Variants in ADI1 observed in about 807,000 individuals in gnomAD.
ADI1 encodes acireductone dioxygenase.
Under a neutral mutation model 18.7 loss-of-function variants are expected in ADI1, and 21 were observed. The ratio of observed to expected loss-of-function variants is 1.13; its 90% CI spans 0.80 to 1.62. The LOEUF is 1.62. ADI1 is among the 40% of genes most tolerant of loss of function. The pLI, the probability that ADI1 is intolerant of heterozygous loss-of-function variation, is 0.00. For missense variants in ADI1, 245 were observed against 254.9 expected, an observed-to-expected ratio of 0.96 and a Z score of 0.26; for synonymous variants, 90 against 100.1, an observed-to-expected ratio of 0.90 and a Z score of 0.60.
intron 3 of ADI1, chr2:3,500,458 T>C: frequency 5.1e-6 from 2 of 394,966 alleles, no homozygotes; most frequent in Non-Finnish European, 9.3e-6. Context: ...CGGGCTGGGG[T>C]GACAACCCTA....
chr2:3,500,850 G>C lies in ADI1; in HGVS notation c.384C>G (p.Pro128=). 6.2e-7 allele frequency: 1 copy of C among 1,614,154 alleles called. No homozygotes were observed. Among genetic ancestry groups the C allele is most frequent in the Non-Finnish European group, 8.5e-7 (1 of 1,180,014 alleles). ...FMEKGDMVTL[P]AGIYHRFTVD... is the part of the protein sequence containing the mutation. ...CCGTGAAGCGGTGATAGATCCCCGC[G>C]GGGAGCGTCACCATGTCTCCCTTCT... The change falls in exon 3 of 4, where the codon CCC becomes CCG. Residue 128 remains proline (P), a synonymous_variant. Transcript: ENST00000327435.
In ADI1 at chr2:3,503,463, TCA is replaced by T. The variant is rs1409916509; in HGVS notation, c.241-2472_241-2471del. Reference sequence around the variant, plus strand: ...CTCATGCACACATACGGACGTACACTCACACGTGTGCATTCACACTCATGCAC... The same window carrying T: ...CTCATGCACACATACGGACGTACACTCACGTGTGCATTCACACTCATGCAC... On this transcript the variant is annotated intron_variant, in intron 2 of 3. Transcript: ENST00000327435. Among the ~76,000 whole-genome samples the T allele has an allele frequency of 5.7e-5, 8 of 140,566 alleles. 3 individuals carry two copies. Among genetic ancestry groups the T allele is most frequent in the South Asian group, 4.5e-4 (2 of 4,456 alleles). 92.2% of individuals were successfully genotyped at this position (140,566 alleles called of 152,430 possible). A position where few individuals can be genotyped will look rare whatever the true frequency, so the allele number is the denominator to read the frequency against.
intron 2 of ADI1, among the ~76,000 whole-genome samples, chr2:3,507,751 C>A (rs999843366): frequency 1.3e-5 from 2 of 152,196 alleles, no homozygotes; most frequent in South Asian, 2.1e-4. Flanking sequence ...AAACTAAAAT[C>A]TTTTATTTCT....
At chr2:3,519,184 G>A in intron 1 of ADI1, 184 bp downstream of exon 1, 5 of 901,608 alleles carry the variant, frequency 5.5e-6, no homozygotes, top group Non-Finnish European at 6.0e-6. Context: ...CAGCCCCACT[G>A]CTGAGCATGC....
At chr2:3,519,294 G>C (rs1381376246) in intron 1 of ADI1, 74 bp downstream of exon 1, 2 of 1,317,844 alleles carry the variant, frequency 1.5e-6, no homozygotes, top group African/African-American at 1.5e-5. Flanking sequence ...CCGGCACCTG[G>C]AGGAGGCTGG....
At position 3,497,457 on chromosome 2, in the gene ADI1, C is replaced by T. The variant is rs1666890341; in HGVS notation, c.*1506G>A. ...CCTGGGAAAAGAAAATGTGATTTCA[C>T]CTTAAGTGCTTTAGCAGAATTCTAT... On this transcript the variant is annotated 3_prime_UTR_variant, in exon 4 of 4. Coordinates refer to ENST00000327435, the MANE Select transcript of ADI1 (RefSeq NM_018269.4). 1 of 152,196 alleles carries T rather than the reference C, an allele frequency of 6.6e-6. No homozygotes were observed. Among genetic ancestry groups the T allele is most frequent in the South Asian group, 2.1e-4 (1 of 4,836 alleles). 9.4% of individuals were successfully genotyped at this position (152,196 alleles called of 1,614,324 possible). A position where few individuals can be genotyped will look rare whatever the true frequency, so the allele number is the denominator to read the frequency against.
rs370568046 is a variant in ADI1 at position 3,502,042 on chromosome 2, C to CACACATA, written c.241-1050_241-1049insTATGTGT. On this transcript the variant is annotated intron_variant, in intron 2 of 3. Transcript: ENST00000327435. The stretch of plus-strand genomic sequence containing the variant: ...ACACACACACACACACACACACACA[C>CACACATA]AGAGACAGGGTTTCACTCTGTTGCT... Among the ~76,000 whole-genome samples the CACACATA allele has an allele frequency of 6.6e-5, 3 of 45,356 alleles. No individual in the cohort carries two copies. The African/African-American group carries it at 1.1e-3, about 16-fold the overall frequency. 29.8% of individuals were successfully genotyped at this position (45,356 alleles called of 152,430 possible).
chr2:3,497,627 G>A lies in ADI1; in HGVS notation c.*1336C>T, dbSNP rs1003995758. The stretch of plus-strand genomic sequence containing the variant: ...GAATCCTCCCACCTTAGCCTCCTGA[G>A]TAGCTGAGATTACAGGCATGAGCCA... On this transcript the variant is annotated 3_prime_UTR_variant, in exon 4 of 4. Transcript: ENST00000327435. 3.3e-5 allele frequency: 5 copies of A among 152,132 alleles called. No homozygotes were observed. The highest frequency in any genetic ancestry group is 4.8e-5 in the African/African-American group (2 of 41,416). The allele number at this position is 152,132 out of a possible 1,614,324, so 9.4% of individuals were successfully genotyped here.
At chr2:3,514,178 G>A (rs1453094357) in intron 1 of ADI1, among the ~76,000 whole-genome samples, 1 of 152,178 alleles carries the variant, frequency 6.6e-6, no homozygotes, top group Non-Finnish European at 1.5e-5. Context: ...ATACAATGGA[G>A]TTCTGTTTGA....
intron 1 of ADI1, chr2:3,515,187 C>CA (rs1264708218): frequency 1.7e-5 from 3 of 176,158 alleles, no homozygotes; most frequent in Non-Finnish European, 2.4e-5. Context: ...TTTCTTCTTG[C>CA]AGAGAGCCTA....
At chr2:3,509,087 G>T (rs958109295) in intron 2 of ADI1, among the ~76,000 whole-genome samples, 3 of 151,800 alleles carry the variant, frequency 2.0e-5, no homozygotes, top group African/African-American at 7.3e-5. Flanking sequence ...AGAGATAAAG[G>T]GGGACATTAT....
intron 3 of ADI1, chr2:3,500,499 G>A: frequency 1.0e-5 from 5 of 491,072 alleles, no homozygotes; most frequent in African/African-American, 1.9e-5. Flanking sequence ...AAGGGCTGGG[G>A]CAGGGCCAGG....
At chr2:3,512,769 G>A (rs1667319881) in intron 2 of ADI1, among the ~76,000 whole-genome samples, 2 of 152,198 alleles carry the variant, frequency 1.3e-5, no homozygotes, top group African/African-American at 4.8e-5. Flanking sequence ...CCCTCACAAA[G>A]TCCCCACTGG....
At chr2:3,517,314 C>T (rs951527749) in intron 1 of ADI1, 3 of 152,228 alleles carry the variant, frequency 2.0e-5, no homozygotes, top group Admixed American at 1.3e-4. Context: ...TGCCGCCCTA[C>T]AAAACCCACT....
At chr2:3,504,266 C>A (rs929927614) in intron 2 of ADI1, among the ~76,000 whole-genome samples, 1 of 152,196 alleles carries the variant, frequency 6.6e-6, no homozygotes, top group African/African-American at 2.4e-5. Context: ...GTGGCAATCA[C>A]AAGATCGTCA....
chr2:3,511,430 C>A (rs1410921637), intron 2 of ADI1, among the ~76,000 whole-genome samples: 1 of 151,966 alleles, frequency 6.6e-6, no homozygotes, highest in Non-Finnish European at 1.5e-5. Flanking sequence ...CATTCCCACT[C>A]CTGTTATGTA....
chr2:3,519,201 C>T (rs1220926834), intron 1 of ADI1, 167 bp downstream of exon 1: 2 of 1,055,658 alleles, frequency 1.9e-6, no homozygotes, highest in Non-Finnish European at 2.5e-6. Context: ...ATGCGCAGCC[C>T]ACCCCAGGCA....
At chr2:3,500,009 G>C (rs1314698547) in intron 3 of ADI1, among the ~76,000 whole-genome samples, 1 of 150,980 alleles carries the variant, frequency 6.6e-6, no homozygotes, top group Non-Finnish European at 1.5e-5. Context: ...AGGTTGCATT[G>C]AGCCGAGATC....
chr2:3,500,913 C>T lies in ADI1; in HGVS notation c.321G>A (p.Val107=), dbSNP rs187785244. The T allele has an allele frequency of 1.2e-6, 2 of 1,614,226 alleles. No individual in the cohort carries two copies. The highest frequency in any genetic ancestry group is 1.7e-5 in the Admixed American group (1 of 60,030). Residue 107 remains valine (V), a synonymous_variant, in exon 3 of 4, where the codon GTG becomes GTA. Transcript: ENST00000327435. The part of the protein sequence containing the change: ...YILDGSGYFD[V]RDKEDQWIRI... ...GGATCCACTGGTCCTCCTTGTCCCTCACATCGAAGTACCCACTGCCATCCA... is the reference window on the plus strand; with the variant it reads ...GGATCCACTGGTCCTCCTTGTCCCTTACATCGAAGTACCCACTGCCATCCA...
Sources: allele counts gnomAD v4.1 joint callset (sites outside exome capture counted in the v4.1 genomes callset), GRCh38; gene constraint gnomAD v4.1.1; transcripts MANE v1.5; gene names NCBI Gene and HGNC (gene_info 2026-07-23, HGNC 2026-07-21).